SRGAP3: variants seen among roughly 807,000 people sequenced by gnomAD.
The protein encoded by SRGAP3 is SLIT-ROBO Rho GTPase activating protein 3, also known as SLIT-ROBO Rho GTPase-activating protein 3.
In SRGAP3, 39 loss-of-function variants were observed where a neutral mutation model predicts 121.1. The ratio of observed to expected loss-of-function variants is 0.32; its 90% CI spans 0.25 to 0.42. SRGAP3 has a LOEUF of 0.42. Ranked by LOEUF, SRGAP3 falls within the 10% of genes least tolerant of loss-of-function variation. SRGAP3 has a pLI of 1.00. For synonymous variants in SRGAP3, 601 were observed against 570.0 expected (o/e 1.05, Z -0.77); for missense variants, 1,213 against 1,470.6 (o/e 0.82, Z 2.86).
intron 1 of SRGAP3, among the ~76,000 whole-genome samples, chr3:9,168,329 G>A (rs754172705): frequency 6.6e-6 from 1 of 152,216 alleles, no homozygotes; most frequent in African/African-American, 2.4e-5. Flanking sequence ...CGTCTCTGCT[G>A]TTAGCAACTG....
At chr3:8,993,692 T>A (rs1942210134) in intron 19 of SRGAP3, among the ~76,000 whole-genome samples, 1 of 152,092 alleles carries the variant, frequency 6.6e-6, no homozygotes, top group Non-Finnish European at 1.5e-5. Flanking sequence ...TGAGACCCCC[T>A]CTCTCCCATC....
intron 4 of SRGAP3, chr3:9,065,534 TTC>T (rs1162514160): frequency 2.6e-5 from 4 of 152,254 alleles, no homozygotes; most frequent in Non-Finnish European, 5.9e-5. Context: ...TAGATTTGCC[TTC>T]TGTCACTGTA....
intron 3 of SRGAP3, among the ~76,000 whole-genome samples, chr3:9,094,701 T>C (rs1947899169): frequency 6.6e-6 from 1 of 152,208 alleles, no homozygotes; most frequent in African/African-American, 2.4e-5. Context: ...TACCTTTTCC[T>C]GATTACCAGT....
Position 9,086,587 on chromosome 3 carries a change from G to GTA in SRGAP3, c.424-6502_424-6501dup, listed in dbSNP as rs967256831. Among the ~76,000 whole-genome samples the GTA allele has an allele frequency of 9.5e-5, 14 of 147,650 alleles. No homozygotes were observed. The South Asian group carries it at 1.5e-3, about 16-fold the overall frequency. On this transcript the variant is annotated intron_variant, in intron 3 of 21. Transcript: ENST00000383836. Reference sequence around the variant, plus strand: ...TATGTGGGTGTGTATATGTGTGTGTGTATATATATAGGTACACACATATCT... The same window carrying GTA: ...TATGTGGGTGTGTATATGTGTGTGTGTATATATATATAGGTACACACATATCT...
At chr3:9,190,373 G>A (rs779888617) in intron 1 of SRGAP3, among the ~76,000 whole-genome samples, 3 of 152,182 alleles carry the variant, frequency 2.0e-5, no homozygotes, top group Non-Finnish European at 4.4e-5. Context: ...CAGGACTCAG[G>A]TAGGACGCTG....
intron 12 of SRGAP3, chr3:9,028,161 C>G: frequency 6.2e-7 from 1 of 1,613,992 alleles, no homozygotes; most frequent in South Asian, 1.1e-5. Flanking sequence ...GGCAGCAGAG[C>G]AGGAGAAAAA....
intron 3 of SRGAP3, among the ~76,000 whole-genome samples, chr3:9,313,192 C>G (rs1246789967): frequency 6.6e-6 from 1 of 152,166 alleles, no homozygotes; most frequent in Non-Finnish European, 1.5e-5. Flanking sequence ...AGAGCCTTTG[C>G]ACTTGCTGTT....
intron 3 of SRGAP3, among the ~76,000 whole-genome samples, chr3:9,284,541 T>C (rs527272814): frequency 5.4e-4 from 82 of 152,240 alleles, no homozygotes; most frequent in Non-Finnish European, 9.4e-4. Flanking sequence ...AATATAAAAA[T>C]AGTTCTGGGC....
chr3:9,284,112 A>C (rs1231741086), intron 3 of SRGAP3, among the ~76,000 whole-genome samples: 3 of 151,152 alleles, frequency 2.0e-5, no homozygotes, highest in African/African-American at 4.8e-5. Context: ...CATTCTCCCG[A>C]GTTAAAAAAA....
intron 3 of SRGAP3, among the ~76,000 whole-genome samples, chr3:9,084,780 G>A (rs1011869388): frequency 2.0e-5 from 3 of 152,116 alleles, no homozygotes; most frequent in African/African-American, 7.2e-5. Flanking sequence ...CATTCTGCAG[G>A]CCTGTGCCAG....
intron 1 of SRGAP3, among the ~76,000 whole-genome samples, chr3:9,343,135 T>C (rs986135819): frequency 2.0e-5 from 3 of 152,250 alleles, no homozygotes; most frequent in East Asian, 3.8e-4. Flanking sequence ...CCTCCTCTCA[T>C]ATTCTCCTTT....
chr3:9,356,522 G>A (rs377382286), intron 1 of SRGAP3, among the ~76,000 whole-genome samples: 5 of 151,636 alleles, frequency 3.3e-5, no homozygotes, highest in East Asian at 3.9e-4. Flanking sequence ...ACAGGCGCCC[G>A]CCACCACATC....
upstream of SRGAP3, among the ~76,000 whole-genome samples, chr3:9,253,754 T>C (rs1428817664): frequency 6.6e-6 from 1 of 152,236 alleles, no homozygotes; most frequent in Non-Finnish European, 1.5e-5. Context: ...GATGACAACA[T>C]GCCTAATGTG....
chr3:9,069,337 T>C (rs1159694032), intron 4 of SRGAP3, among the ~76,000 whole-genome samples: 2 of 152,088 alleles, frequency 1.3e-5, no homozygotes, highest in African/African-American at 2.4e-5. Flanking sequence ...AATTATCAAG[T>C]GACCAACTGC....
rs145984854 is a variant in SRGAP3, at chr3:9,129,252, G to C, written c.68-4335C>G. Reference sequence around the variant, plus strand: ...TCCCTCCCCACAACATTTTGATACAGTTTTAAGAGAGTGGTATTATACATA... The same window carrying C: ...TCCCTCCCCACAACATTTTGATACACTTTTAAGAGAGTGGTATTATACATA... On this transcript the variant is annotated intron_variant, in intron 1 of 21. Transcript: ENST00000383836. Among the ~76,000 whole-genome samples, 176 of 135,580 alleles carry C rather than the reference G, an allele frequency of 1.3e-3. 1 individual carries two copies. The highest frequency in any genetic ancestry group is 4.6e-3 in the African/African-American group (172 of 37,016). The allele number at this position is 135,580 out of a possible 152,430, so 88.9% of individuals were successfully genotyped here. A position where few individuals can be genotyped will look rare whatever the true frequency, so the allele number is the denominator to read the frequency against.
At chr3:9,141,607 TTTC>T in intron 1 of SRGAP3, among the ~76,000 whole-genome samples, 3 of 151,494 alleles carry the variant, frequency 2.0e-5, no homozygotes, top group Middle Eastern at 6.8e-3. Context: ...TGTGTGTTCT[TTTC>T]TTTTTAACCT....
intron 1 of SRGAP3, among the ~76,000 whole-genome samples, chr3:9,346,329 G>C (rs550687605): frequency 3.2e-4 from 48 of 152,096 alleles, no homozygotes; most frequent in Middle Eastern, 3.4e-3. Context: ...ACTGCACCTT[G>C]AACTCCTGGG....
At chr3:9,015,557 T>C in intron 15 of SRGAP3, 40 bp downstream of exon 15, 1 of 1,612,462 alleles carries the variant, frequency 6.2e-7, no homozygotes, top group Non-Finnish European at 8.5e-7. Context: ...CCAACAATGA[T>C]TTGTCAAAAA....
At chr3:9,099,726 C>T (rs561551176) in intron 3 of SRGAP3, among the ~76,000 whole-genome samples, 4 of 152,330 alleles carry the variant, frequency 2.6e-5, no homozygotes, top group African/African-American at 9.6e-5. Flanking sequence ...AATGCAGGTT[C>T]TCAGGCCCCA....
Sources: gnomAD v4.1 joint callset for allele counts (sites outside exome capture counted in the v4.1 genomes callset) on GRCh38, gnomAD v4.1.1 for gene constraint, MANE v1.5 for transcripts, NCBI Gene and HGNC (gene_info 2026-07-23, HGNC 2026-07-21) for gene names.